The following CAMTA1 variants were observed in gnomAD, a reference collection of about 807,000 sequenced individuals.
CAMTA1 encodes calmodulin binding transcription activator 1.
Under a neutral mutation model 170.9 loss-of-function variants are expected in CAMTA1, and 27 were observed. That is an observed-to-expected ratio of 0.16 (90% CI 0.12 to 0.22). CAMTA1 has a LOEUF of 0.22. Among genes scored for constraint, CAMTA1 ranks in the 10% least tolerant of loss-of-function variants. The pLI is 1.00. For missense variants in CAMTA1, 1,619 were observed against 2,217.2 expected, an observed-to-expected ratio of 0.73 and a Z score of 5.42; for synonymous variants, 833 against 891.5, an observed-to-expected ratio of 0.93 and a Z score of 1.17.
intron 5 of CAMTA1, among the ~76,000 whole-genome samples, chr1:7,358,270 G>C (rs988423615): frequency 2.0e-5 from 3 of 152,194 alleles, no homozygotes; most frequent in Admixed American, 2.0e-4. Flanking sequence ...ACCTTGACTT[G>C]ATAAATGAGA....
chr1:6,841,088 T>G, intron 3 of CAMTA1, among the ~76,000 whole-genome samples: 1 of 152,206 alleles, frequency 6.6e-6, no homozygotes, highest in East Asian at 1.9e-4. Flanking sequence ...GTTCCTTGGC[T>G]TGTGGCTCCC....
chr1:7,416,129 G>A (rs569283449), intron 5 of CAMTA1, among the ~76,000 whole-genome samples: 56 of 152,166 alleles, frequency 3.7e-4, no homozygotes, highest in African/African-American at 1.1e-3. Context: ...TGAGAGATCC[G>A]CTGTTAGTCT....
intron 5 of CAMTA1, among the ~76,000 whole-genome samples, chr1:7,460,546 G>A (rs1299906981): frequency 6.6e-6 from 1 of 151,982 alleles, no homozygotes; most frequent in Non-Finnish European, 1.5e-5. Context: ...GGATGTCCAA[G>A]CTACGGCCCA....
chr1:6,824,927 G>C (rs1205318865), intron 2 of CAMTA1, among the ~76,000 whole-genome samples, 165 bp from the exon 3 acceptor site: 1 of 152,156 alleles, frequency 6.6e-6, no homozygotes, highest in East Asian at 1.9e-4. Flanking sequence ...CCATCAATCT[G>C]ATAAATGGGT....
chr1:7,758,530 G>A (rs1372999776), intron 22 of CAMTA1, among the ~76,000 whole-genome samples: 1 of 152,124 alleles, frequency 6.6e-6, no homozygotes, highest in African/African-American at 2.4e-5. Context: ...TTCTTCCATC[G>A]GAGAAGTCAC....
intron 5 of CAMTA1, among the ~76,000 whole-genome samples, chr1:7,423,524 T>G (rs959837417): frequency 6.6e-6 from 1 of 150,992 alleles, no homozygotes; most frequent in African/African-American, 2.4e-5. Context: ...GCTGCCTGCC[T>G]GTACCCAGCC....
intron 5 of CAMTA1, among the ~76,000 whole-genome samples, chr1:7,281,800 TGTGTGTGTG>T (rs1481422661): frequency 1.1e-3 from 8 of 7,066 alleles, no homozygotes; most frequent in African/African-American, 2.7e-3. Flanking sequence ...GGAAAGAAAT[TGTGTGTGTG>T]TGTGTGTGTG....
At chr1:7,091,414 G>C (rs762589698) in intron 4 of CAMTA1, 43 bp downstream of exon 4, 32 of 1,452,392 alleles carry the variant, frequency 2.2e-5, no homozygotes, top group Non-Finnish European at 2.9e-5. Context: ...TGTACCATAA[G>C]TGGATTGATT....
At chr1:7,447,503 T>A (rs1267799573) in intron 5 of CAMTA1, among the ~76,000 whole-genome samples, 5 of 152,050 alleles carry the variant, frequency 3.3e-5, no homozygotes, top group Non-Finnish European at 5.9e-5. Context: ...AGTTCCCACA[T>A]GGGCTTCTTC....
intron 3 of CAMTA1, among the ~76,000 whole-genome samples, chr1:6,987,963 A>G (rs1695637782): frequency 6.6e-6 from 1 of 152,168 alleles, no homozygotes; most frequent in Non-Finnish European, 1.5e-5. Context: ...GGGCTTAGCC[A>G]GCTCTGCTTG....
intron 3 of CAMTA1, among the ~76,000 whole-genome samples, chr1:6,976,135 T>C (rs1168529230): frequency 6.6e-6 from 1 of 152,198 alleles, no homozygotes; most frequent in Non-Finnish European, 1.5e-5. Flanking sequence ...AAGATCAATC[T>C]GATCATGGGA....
chr1:6,953,873 C>T (rs1485924017), intron 3 of CAMTA1, among the ~76,000 whole-genome samples: 5 of 151,988 alleles, frequency 3.3e-5, no homozygotes, highest in Admixed American at 6.6e-5. Context: ...CGTGAAACGA[C>T]GGGTTTGCCT....
At chr1:6,947,296 C>T (rs1361531347) in intron 3 of CAMTA1, among the ~76,000 whole-genome samples, 1 of 152,028 alleles carries the variant, frequency 6.6e-6, no homozygotes, top group Non-Finnish European at 1.5e-5. Context: ...AATCTTGTTT[C>T]AAGACTGTTT....
intron 3 of CAMTA1, among the ~76,000 whole-genome samples, chr1:6,923,172 T>G (rs952524309): frequency 6.6e-6 from 1 of 152,196 alleles, no homozygotes; most frequent in Non-Finnish European, 1.5e-5. Context: ...CCCACACTTG[T>G]GCACTTGTTG....
At chr1:7,516,281 G>A (rs2094285177) in intron 6 of CAMTA1, among the ~76,000 whole-genome samples, 3 of 152,226 alleles carry the variant, frequency 2.0e-5, no homozygotes, top group African/African-American at 7.2e-5. Flanking sequence ...ATTAGTGTGG[G>A]ATGATCATGA....
chr1:6,859,248 T>C (rs1029742829), intron 3 of CAMTA1, among the ~76,000 whole-genome samples: 1 of 152,226 alleles, frequency 6.6e-6, no homozygotes, highest in African/African-American at 2.4e-5. Context: ...AGGAATCATA[T>C]ACAGCTTCCC....
At chr1:7,070,218 G>A (rs1426839619) in intron 3 of CAMTA1, among the ~76,000 whole-genome samples, 1 of 152,194 alleles carries the variant, frequency 6.6e-6, no homozygotes, top group Non-Finnish European at 1.5e-5. Context: ...GCTCAAAAGG[G>A]CTTCATAGGC....
chr1:6,805,529 A>C (rs898701528), intron 1 of CAMTA1, among the ~76,000 whole-genome samples: 1 of 151,744 alleles, frequency 6.6e-6, no homozygotes, highest in Admixed American at 6.6e-5. Context: ...TTTTTGAGAG[A>C]GGGTCTCATT....
chr1:7,257,479 A>G (rs1667584555), intron 5 of CAMTA1, among the ~76,000 whole-genome samples: 1 of 152,160 alleles, frequency 6.6e-6, no homozygotes, highest in African/African-American at 2.4e-5. Flanking sequence ...CTTAGGAATA[A>G]CAAGTTGTTT....
Sources: gnomAD v4.1 joint callset for allele counts (sites outside exome capture counted in the v4.1 genomes callset) on GRCh38, gnomAD v4.1.1 for gene constraint, MANE v1.5 for transcripts, NCBI Gene and HGNC (gene_info 2026-07-23, HGNC 2026-07-21) for gene names.